The following EXOSC9 variants were observed in gnomAD, a reference collection of about 807,000 sequenced individuals.
EXOSC9 encodes exosome complex component RRP45.
EXOSC9 carries 38 observed loss-of-function variants against 56.5 expected under a neutral mutation model. That is an observed-to-expected ratio of 0.67 (90% CI 0.52 to 0.88). The LOEUF (loss-of-function observed/expected upper bound fraction) is 0.88, where lower values mean the gene tolerates loss of function less well. Ranked by LOEUF, EXOSC9 falls within the 40% of genes least tolerant of loss-of-function variation. The pLI is 0.00. For missense variants in EXOSC9, 559 were observed against 530.5 expected (o/e 1.05, Z -0.53); for synonymous variants, 170 against 170.8 (o/e 0.99, Z 0.04).
Position 121,807,522 on chromosome 4 carries a change from C to T in EXOSC9, c.523-18C>T, listed in dbSNP as rs369351562. On this transcript the variant is annotated intron_variant, in intron 5 of 11. Transcript: ENST00000243498. ...TAACTTAGTGACTATAATTATTAAA[C>T]ATTTTCTTTTGAAACAGTATACACC... The T allele has an allele frequency of 9.4e-6, 14 of 1,489,476 alleles. No homozygotes were observed. In the African/African-American group the frequency reaches 2.0e-4, roughly 21 times the overall value. The allele number at this position is 1,489,476 out of a possible 1,614,324, so 92.3% of individuals were successfully genotyped here. A position where few individuals can be genotyped will look rare whatever the true frequency, so the allele number is the denominator to read the frequency against.
intron 7 of EXOSC9, among the ~76,000 whole-genome samples, chr4:121,810,671 A>G (rs1034471515): frequency 6.6e-6 from 1 of 152,088 alleles, no homozygotes; most frequent in Non-Finnish European, 1.5e-5. Context: ...AACAACAGCA[A>G]AATTCCATCT....
At chr4:121,814,069 A>AATT in intron 10 of EXOSC9, 22 bp downstream of exon 10, 1 of 1,216,096 alleles carries the variant, frequency 8.2e-7, no homozygotes, top group Non-Finnish European at 1.1e-6. Context: ...TTTATGGCAC[A>AATT]CTTACTATAT....
At position 121,816,251 on chromosome 4, in the gene EXOSC9, G is replaced by A. The variant is rs367814159; in HGVS notation, c.1157-118G>A. 224 of 659,014 alleles carry A rather than the reference G, an allele frequency of 3.4e-4. 2 individuals are homozygous for A. The Middle Eastern group carries it at 4.3e-3, about 13-fold the overall frequency. The allele number at this position is 659,014 out of a possible 1,614,324, so 40.8% of individuals were successfully genotyped here. A position where few individuals can be genotyped will look rare whatever the true frequency, so the allele number is the denominator to read the frequency against. On this transcript the variant is annotated intron_variant, in intron 10 of 11. Coordinates refer to ENST00000243498, the MANE Select transcript of EXOSC9 (RefSeq NM_005033.3). ...GGGTATTAAAAGTGTGAGCCACCAC[G>A]CCCAGCCCCAGAAATAAGAGTTTAG...
Position 121,802,659 on chromosome 4 carries a change from A to G in EXOSC9, c.162-15A>G, listed in dbSNP as rs1451232435. On this transcript the variant is annotated splice_polypyrimidine_tract_variant and intron_variant, in intron 2 of 11. Transcript: ENST00000243498. ...GAGTCTATTTGGTTAATACTTTGTA[A>G]CTTTATCTTTGCAGAGTTCTTGGAC... 2.5e-6 allele frequency: 4 copies of G among 1,611,326 alleles called. No individual in the cohort carries two copies. The highest frequency in any genetic ancestry group is 3.4e-6 in the Non-Finnish European group (4 of 1,179,376).
intron 6 of EXOSC9, 83 bp from the exon 7 acceptor site, chr4:121,809,884 G>A (rs1358265468): frequency 7.4e-6 from 11 of 1,493,324 alleles, no homozygotes; most frequent in Admixed American, 3.4e-5. Context: ...CTTTATTGAT[G>A]CCATCTTTTA....
intron 7 of EXOSC9, among the ~76,000 whole-genome samples, chr4:121,811,238 G>A (rs1727203828): frequency 6.6e-6 from 1 of 152,112 alleles, no homozygotes; most frequent in African/African-American, 2.4e-5. Flanking sequence ...TTAGTTTCTG[G>A]TATCATCATC....
In EXOSC9 at chr4:121,811,568, C is replaced by T; in HGVS notation, c.739-15C>T. 13 of 1,469,428 alleles carry T rather than the reference C, an allele frequency of 8.8e-6. No individual in the cohort carries two copies. Among genetic ancestry groups the T allele is most frequent in the Non-Finnish European group, 1.2e-5 (13 of 1,076,422 alleles). The allele number at this position is 1,469,428 out of a possible 1,614,324, so 91.0% of individuals were successfully genotyped here. The stretch of plus-strand genomic sequence containing the variant: ...TTTATTGTCTTTAAACAACAGAATT[C>T]ACTTTTATAAATAGGTTCTGAGATG... On this transcript the variant is annotated splice_polypyrimidine_tract_variant and intron_variant, in intron 7 of 11. Coordinates refer to ENST00000243498, the MANE Select transcript of EXOSC9 (RefSeq NM_005033.3).
intron 7 of EXOSC9, among the ~76,000 whole-genome samples, chr4:121,810,380 TAA>T (rs11323170): frequency 0.52 from 76,652 of 148,144 alleles, 21,242 homozygotes; most frequent in African/African-American, 0.74. Context: ...ATATCCCTAT[TAA>T]AAAAAAAAAA....
chr4:121,814,134 GTATATT>G (rs558727128), intron 10 of EXOSC9, 87 bp downstream of exon 10: 86 of 799,774 alleles, frequency 1.1e-4, no homozygotes, highest in African/African-American at 7.4e-4. Flanking sequence ...TAAAATGTGT[GTATATT>G]TATATTATCA....
At chr4:121,811,488 A>AT (rs1727210939) in intron 7 of EXOSC9, 95 bp from the exon 8 acceptor site, 1 of 635,522 alleles carries the variant, frequency 1.6e-6, no homozygotes, top group Admixed American at 3.6e-5. Context: ...TCAGGCTTAA[A>AT]TTATAAAGGT....
At chr4:121,806,760 C>CT (rs79792868) in intron 5 of EXOSC9, among the ~76,000 whole-genome samples, 26 of 148,198 alleles carry the variant, frequency 1.8e-4, no homozygotes, top group Admixed American at 2.0e-4. Context: ...AACATTACAA[C>CT]TTTTTTTTTT....
At chr4:121,813,696 TTTC>T (rs1304921560) in intron 9 of EXOSC9, 167 bp from the exon 10 acceptor site, 2 of 535,880 alleles carry the variant, frequency 3.7e-6, no homozygotes, top group Non-Finnish European at 6.4e-6. Context: ...CTGAGTTTTT[TTTC>T]TTCTTCATTG....
At chr4:121,807,854 T>TACTTATAA in intron 6 of EXOSC9, 1 of 568,532 alleles carries the variant, frequency 1.8e-6, no homozygotes, top group Non-Finnish European at 3.1e-6. Context: ...TTTCATGGGA[T>TACTTATAA]ACTTATAAAC....
chr4:121,805,809 C>A (rs202184148), intron 5 of EXOSC9, among the ~76,000 whole-genome samples: 1 of 79,164 alleles, frequency 1.3e-5, no homozygotes, highest in African/African-American at 3.5e-5. Context: ...TTTTTTTTTT[C>A]TTTTTTTTTT....
intron 5 of EXOSC9, among the ~76,000 whole-genome samples, chr4:121,805,358 G>A (rs540900702): frequency 1.6e-4 from 25 of 152,172 alleles, no homozygotes; most frequent in Non-Finnish European, 3.5e-4. Context: ...ATTGACCTAC[G>A]TTGTCTTTAT....
intron 8 of EXOSC9, among the ~76,000 whole-genome samples, chr4:121,812,130 G>A (rs906606836): frequency 6.6e-6 from 1 of 152,206 alleles, no homozygotes; most frequent in African/African-American, 2.4e-5. Flanking sequence ...ATCTTTCAAA[G>A]TGCTGGCATC....
At position 121,816,828 on chromosome 4, in the gene EXOSC9, G is replaced by T. The variant is rs747298248; in HGVS notation, c.1292G>T (p.Arg431Ile). The T allele has an allele frequency of 1.0e-5, 16 of 1,594,428 alleles. No homozygotes were observed. In the South Asian group the frequency reaches 1.8e-4, roughly 18 times the overall value. The stretch of plus-strand genomic sequence containing the variant: ...GCACCAAGTAAAAAGCCAGTGAAAA[G>T]AAGAAAAAAGAAGAGAGCTGCCAAT... ...EKAPSKKPVK[R>I]RKKKRAAN The change falls in exon 12 of 12, where the codon AGA (arginine) becomes ATA (isoleucine). Residue 431 changes from arginine (R) to isoleucine (I), a missense_variant. Physicochemically the swap from Arg to Ile is moderately conservative, Grantham distance 97 (BLOSUM62 -3). Coordinates refer to ENST00000243498, the MANE Select transcript of EXOSC9 (RefSeq NM_005033.3).
intron 10 of EXOSC9, chr4:121,815,291 T>G (rs1196179523): frequency 1.1e-6 from 1 of 877,558 alleles, no homozygotes; most frequent in Non-Finnish European, 1.4e-6. Context: ...GTAAGTTGTT[T>G]CCATTTTCTC....
At chr4:121,815,338 ATGTT>A (rs1724454354) in intron 10 of EXOSC9, 2 of 972,758 alleles carry the variant, frequency 2.1e-6, no homozygotes, top group Non-Finnish European at 2.4e-6. Flanking sequence ...TACCTCTTAT[ATGTT>A]TGTTTAGTGT....
Sources: allele counts gnomAD v4.1 joint callset (sites outside exome capture counted in the v4.1 genomes callset), GRCh38; gene constraint gnomAD v4.1.1; transcripts MANE v1.5; gene names NCBI Gene and HGNC (gene_info 2026-07-23, HGNC 2026-07-21).